ITGAV: variants seen among roughly 807,000 people sequenced by gnomAD.
ITGAV encodes integrin subunit alpha V.
Under a neutral mutation model 143.8 loss-of-function variants are expected in ITGAV, and 76 were observed. The observed-to-expected ratio is 0.53, with a 90% confidence interval of 0.44 to 0.64. The LOEUF (loss-of-function observed/expected upper bound fraction) is 0.64, where lower values mean the gene tolerates loss of function less well. ITGAV is among the 30% of genes least tolerant of loss of function. ITGAV has a pLI of 0.00. For synonymous variants in ITGAV, 453 were observed against 446.7 expected, an observed-to-expected ratio of 1.01 and a Z score of -0.18; for missense variants, 1,193 against 1,274.7, an observed-to-expected ratio of 0.94 and a Z score of 0.98.
chr2:186,645,543 G>C (rs534859904), intron 12 of ITGAV, among the ~76,000 whole-genome samples: 1 of 152,296 alleles, frequency 6.6e-6, no homozygotes, highest in East Asian at 1.9e-4. Context: ...GTAGGGTTTA[G>C]AACTTACTCT....
At chr2:186,602,251 T>TA in intron 2 of ITGAV, 100 bp downstream of exon 2, 1 of 841,990 alleles carries the variant, frequency 1.2e-6, no homozygotes, top group Non-Finnish European at 1.8e-6. Flanking sequence ...ATTATATAGA[T>TA]AAGCACCTCA....
chr2:186,644,133 G>A (rs1011852475), intron 12 of ITGAV, among the ~76,000 whole-genome samples: 10 of 152,042 alleles, frequency 6.6e-5, no homozygotes, highest in Non-Finnish European at 1.5e-5. Context: ...TTGTAGAGAT[G>A]GGGCTTTGCC....
intron 10 of ITGAV, among the ~76,000 whole-genome samples, chr2:186,639,446 G>A (rs1176137109): frequency 1.3e-5 from 2 of 152,104 alleles, no homozygotes; most frequent in Non-Finnish European, 2.9e-5. Flanking sequence ...CAGTTGACAG[G>A]CAGTTAGGGT....
chr2:186,680,666 T>C lies in ITGAV; in HGVS notation c.*3374T>C, dbSNP rs569317717. 15 of 152,742 alleles carry C rather than the reference T, an allele frequency of 9.8e-5. No homozygotes were observed. The highest frequency in any genetic ancestry group is 3.4e-4 in the African/African-American group (14 of 41,592). 9.5% of individuals were successfully genotyped at this position (152,742 alleles called of 1,614,324 possible). A position where few individuals can be genotyped will look rare whatever the true frequency, so the allele number is the denominator to read the frequency against. ...ATTCTTTACCAGTTTTGAAACACTT[T>C]GAAATATCCTAAGGTAACTTGGAAG... On this transcript the variant is annotated 3_prime_UTR_variant, in exon 30 of 30. Coordinates refer to ENST00000261023, the MANE Select transcript of ITGAV (RefSeq NM_002210.5).
At position 186,644,335 on chromosome 2, in the gene ITGAV, G is replaced by GT. The variant is rs1427439565; in HGVS notation, c.1160-2341dup. Among the ~76,000 whole-genome samples the GT allele has an allele frequency of 4.8e-3, 697 of 145,154 alleles. 1 individual carries two copies. The highest frequency in any genetic ancestry group is 0.016 in the African/African-American group (620 of 39,558). Reference sequence around the variant, plus strand: ...GTTTGTTTGTTTTGTTTTGTTTTTTGTTTTTTTTTTAGACTGAGTCTCATT... The same window carrying GT: ...GTTTGTTTGTTTTGTTTTGTTTTTTGTTTTTTTTTTTAGACTGAGTCTCATT... On this transcript the variant is annotated intron_variant, in intron 12 of 29. Transcript: ENST00000261023.
Position 186,590,474 on chromosome 2 carries a change from G to A in ITGAV, c.136G>A (p.Gly46Arg), listed in dbSNP as rs1574453401. 2 of 1,611,774 alleles carry A rather than the reference G, an allele frequency of 1.2e-6. No individual in the cohort carries two copies. Among genetic ancestry groups the A allele is most frequent in the South Asian group, 1.1e-5 (1 of 90,894 alleles). ...TCCTGCCGAGTACTCTGGCCCCGAG[G>A]GAAGTTACTTCGGCTTCGCCGTGGA... The part of the protein sequence containing the change: ...DSPAEYSGPE[G>R]SYFGFAVDFF... Residue 46 changes from glycine to arginine, a missense_variant, in exon 1 of 30, where the codon GGA (glycine) becomes AGA (arginine). Transcript: ENST00000261023.
intron 21 of ITGAV, among the ~76,000 whole-genome samples, chr2:186,666,076 T>G (rs1688888790): frequency 6.6e-6 from 1 of 152,224 alleles, no homozygotes; most frequent in South Asian, 2.1e-4. Context: ...AGTAGCCAGC[T>G]CCAGGTTTTG....
intron 13 of ITGAV, among the ~76,000 whole-genome samples, chr2:186,647,527 C>T (rs1688297187): frequency 6.6e-6 from 1 of 152,118 alleles, no homozygotes; most frequent in Admixed American, 6.6e-5. Flanking sequence ...TGAGCCACCG[C>T]ACCCGGCCTT....
chr2:186,608,713 C>T (rs946049037), intron 2 of ITGAV, among the ~76,000 whole-genome samples: 4 of 152,026 alleles, frequency 2.6e-5, no homozygotes, highest in African/African-American at 7.3e-5. Context: ...TTCCACTCAC[C>T]ATTTATTCCA....
At position 186,676,924 on chromosome 2, in the gene ITGAV, G is replaced by T. The variant is rs1264465808; in HGVS notation, c.3040G>T (p.Val1014Leu). The T allele has an allele frequency of 9.3e-6, 15 of 1,613,816 alleles. No homozygotes were observed. The Middle Eastern group carries it at 4.9e-4, about 53-fold the overall frequency. Residue 1014 changes from valine to leucine, a missense_variant, in exon 29 of 30, where the codon GTA becomes TTA. Coordinates refer to ENST00000261023, the MANE Select transcript of ITGAV (RefSeq NM_002210.5). ...GTTGCTACTGGCTGTTTTGGTATTTGTAATGTACAGGGTAAGTAACGGACT... is the reference window on the plus strand; with the variant it reads ...GTTGCTACTGGCTGTTTTGGTATTTTTAATGTACAGGGTAAGTAACGGACT... ...GLLLLAVLVF[V>L]MYRMGFFKRV...
Position 186,637,944 on chromosome 2 carries a change from A to G in ITGAV, c.803-333A>G, listed in dbSNP as rs141836963. ...TCTACCCCACTTCAGTTTGCTCTGT[A>G]TTATTTTTCATTACTGTACTACTAA... On this transcript the variant is annotated intron_variant, in intron 8 of 29. Coordinates refer to ENST00000261023, the MANE Select transcript of ITGAV (RefSeq NM_002210.5). Among the ~76,000 whole-genome samples the G allele has an allele frequency of 3.1e-3, 478 of 152,224 alleles. 1 individual carries two copies. The highest frequency in any genetic ancestry group is 6.8e-3 in the Middle Eastern group (2 of 294).
chr2:186,615,244 T>G lies in ITGAV; in HGVS notation c.317-7095T>G, dbSNP rs184772333. 5.7e-3 allele frequency among the ~76,000 whole-genome samples: 868 copies of G among 152,264 alleles called. 9 individuals carry two copies. The highest frequency in any genetic ancestry group is 0.02 in the African/African-American group (839 of 41,584). On this transcript the variant is annotated intron_variant, in intron 2 of 29. Coordinates refer to ENST00000261023, the MANE Select transcript of ITGAV (RefSeq NM_002210.5). ...AGTGTTTTCTGCTTCTTGGCTATTATGAATAATGCTACTATGAACATTCAT... is the reference window on the plus strand; with the variant it reads ...AGTGTTTTCTGCTTCTTGGCTATTAGGAATAATGCTACTATGAACATTCAT...
In ITGAV at chr2:186,676,936, G is replaced by A; in HGVS notation, c.3051+1G>A. On this transcript the variant is annotated splice_donor_variant, in intron 29 of 29. Transcript: ENST00000261023. LOFTEE classifies it high-confidence loss of function. Reference sequence around the variant, plus strand: ...TGTTTTGGTATTTGTAATGTACAGGGTAAGTAACGGACTTAGAAAGAAGGA... The same window carrying A: ...TGTTTTGGTATTTGTAATGTACAGGATAAGTAACGGACTTAGAAAGAAGGA... 1.2e-6 allele frequency: 2 copies of A among 1,612,962 alleles called. No homozygotes were observed. The highest frequency in any genetic ancestry group is 1.7e-6 in the Non-Finnish European group (2 of 1,179,562).
intron 6 of ITGAV, among the ~76,000 whole-genome samples, chr2:186,633,721 C>T (rs1687878940): frequency 6.6e-6 from 1 of 151,958 alleles, no homozygotes; most frequent in African/African-American, 2.4e-5. Flanking sequence ...AGTCATTAGG[C>T]AGTGTGCGAA....
At chr2:186,637,255 G>A in intron 8 of ITGAV, 146 bp downstream of exon 8, 1 of 663,926 alleles carries the variant, frequency 1.5e-6, no homozygotes, top group Non-Finnish European at 2.7e-6. Flanking sequence ...GCTGAGGCGG[G>A]TGGATCCCTT....
chr2:186,600,195 C>A, intron 1 of ITGAV: 3 of 747,174 alleles, frequency 4.0e-6, no homozygotes, highest in Non-Finnish European at 4.4e-6. Flanking sequence ...CCTCCTTCAG[C>A]CATACCTTTC....
At chr2:186,659,542 A>G (rs1380423249) in intron 18 of ITGAV, among the ~76,000 whole-genome samples, 3 of 152,040 alleles carry the variant, frequency 2.0e-5, no homozygotes, top group Non-Finnish European at 4.4e-5. Context: ...TAAAAAGTGC[A>G]TATATAGTAA....
intron 2 of ITGAV, among the ~76,000 whole-genome samples, chr2:186,619,162 T>G (rs1284070458): frequency 6.6e-6 from 1 of 150,914 alleles, no homozygotes; most frequent in East Asian, 1.9e-4. Flanking sequence ...CTCCTGTCTG[T>G]GTTCAGGAAT....
chr2:186,633,799 C>G (rs1414621687), intron 6 of ITGAV, among the ~76,000 whole-genome samples: 10 of 151,996 alleles, frequency 6.6e-5, no homozygotes, highest in Admixed American at 6.6e-4. Flanking sequence ...TGAAGTTGCT[C>G]ATTAGGATAT....
Sources: allele counts gnomAD v4.1 joint callset (sites outside exome capture counted in the v4.1 genomes callset), GRCh38; gene constraint gnomAD v4.1.1; transcripts MANE v1.5; gene names NCBI Gene and HGNC (gene_info 2026-07-23, HGNC 2026-07-21).